NRXN3: variants seen among roughly 807,000 people sequenced by gnomAD.
NRXN3 encodes neurexin 3.
NRXN3 carries 32 observed loss-of-function variants against 137.6 expected under a neutral mutation model. That is an observed-to-expected ratio of 0.23 (90% CI 0.18 to 0.31). The LOEUF (loss-of-function observed/expected upper bound fraction) is 0.31, where lower values mean the gene tolerates loss of function less well. Among genes scored for constraint, NRXN3 ranks in the 10% least tolerant of loss-of-function variants. The pLI is 1.00. For synonymous variants in NRXN3, 798 were observed against 784.5 expected (o/e 1.02, Z -0.29); for missense variants, 1,574 against 2,062.5 (o/e 0.76, Z 4.59).
chr14:79,033,574 A>G (rs2152500015), intron 15 of NRXN3, among the ~76,000 whole-genome samples: 1 of 152,200 alleles, frequency 6.6e-6, no homozygotes, highest in African/African-American at 2.4e-5. Context: ...TCTCTCCTAA[A>G]GAGTTATATT....
At chr14:79,609,958 G>C (rs2098078658) in intron 16 of NRXN3, among the ~76,000 whole-genome samples, 1 of 152,060 alleles carries the variant, frequency 6.6e-6, no homozygotes, top group South Asian at 2.1e-4. Flanking sequence ...GGGGGTAGGA[G>C]GTTGGGGGAG....
chr14:79,488,165 T>A (rs1218750249), intron 16 of NRXN3, among the ~76,000 whole-genome samples: 1 of 152,154 alleles, frequency 6.6e-6, no homozygotes, highest in Non-Finnish European at 1.5e-5. Flanking sequence ...AAAGAGGTCA[T>A]CTCAAAAATG....
intron 4 of NRXN3, among the ~76,000 whole-genome samples, chr14:78,477,652 C>T (rs189845271): frequency 6.6e-6 from 1 of 152,142 alleles, no homozygotes; most frequent in Non-Finnish European, 1.5e-5. Context: ...GAACAAATGT[C>T]TTTTCAATTA....
chr14:79,829,527 G>A (rs1368282755), intron 20 of NRXN3, among the ~76,000 whole-genome samples: 1 of 152,202 alleles, frequency 6.6e-6, no homozygotes, highest in East Asian at 1.9e-4. Flanking sequence ...ATTTTATGGA[G>A]TCAGGAGCCA....
chr14:79,550,425 G>T (rs1344665547), intron 16 of NRXN3, among the ~76,000 whole-genome samples: 1 of 152,160 alleles, frequency 6.6e-6, no homozygotes, highest in Non-Finnish European at 1.5e-5. Context: ...ACATATCACA[G>T]CACCTTCTTG....
chr14:78,441,558 A>G (rs1407834295), intron 4 of NRXN3, among the ~76,000 whole-genome samples: 3 of 151,382 alleles, frequency 2.0e-5, no homozygotes, highest in Admixed American at 1.3e-4. Flanking sequence ...ATCCCACAGT[A>G]CAGTATCACA....
chr14:78,218,626 A>C (rs193116787), intron 1 of NRXN3, among the ~76,000 whole-genome samples: 1 of 152,376 alleles, frequency 6.6e-6, no homozygotes, highest in Admixed American at 6.5e-5. Flanking sequence ...GTTGCTAAGA[A>C]GAATGAAATT....
chr14:78,980,520 C>A (rs1230451950), intron 14 of NRXN3, among the ~76,000 whole-genome samples: 1 of 152,136 alleles, frequency 6.6e-6, no homozygotes, highest in Non-Finnish European at 1.5e-5. Context: ...AATACTCTAT[C>A]AACTTTGGTT....
At chr14:78,733,493 A>G (rs60098362) in intron 8 of NRXN3, among the ~76,000 whole-genome samples, 2,425 of 152,306 alleles carry the variant, frequency 0.016, 76 homozygotes, top group African/African-American at 0.056. Context: ...AAAGTGTACT[A>G]ATGTCAAGGA....
chr14:79,539,923 G>C (rs2097255906), intron 16 of NRXN3, among the ~76,000 whole-genome samples: 1 of 152,020 alleles, frequency 6.6e-6, no homozygotes, highest in Admixed American at 6.6e-5. Context: ...TCGTCGTCTT[G>C]CTATTTTTTC....
At chr14:79,274,911 T>C (rs1321115960) in intron 15 of NRXN3, among the ~76,000 whole-genome samples, 1 of 152,198 alleles carries the variant, frequency 6.6e-6, no homozygotes, top group Non-Finnish European at 1.5e-5. Context: ...GTATATACAT[T>C]CTCTAAACTA....
chr14:78,676,597 A>G (rs537210521), intron 6 of NRXN3, among the ~76,000 whole-genome samples: 2 of 152,320 alleles, frequency 1.3e-5, no homozygotes, highest in African/African-American at 4.8e-5. Context: ...AAGTGCTGAT[A>G]TAGAACCTGC....
At chr14:78,286,553 G>A (rs550629119) in intron 3 of NRXN3, among the ~76,000 whole-genome samples, 1 of 152,272 alleles carries the variant, frequency 6.6e-6, no homozygotes, top group African/African-American at 2.4e-5. Flanking sequence ...GGGGTGAGGA[G>A]GTGGAATGCA....
At chr14:79,370,909 T>C (rs1393484326) in intron 15 of NRXN3, among the ~76,000 whole-genome samples, 2 of 152,182 alleles carry the variant, frequency 1.3e-5, no homozygotes, top group African/African-American at 2.4e-5. Flanking sequence ...TCTTAAACCT[T>C]GTAACAATTT....
intron 4 of NRXN3, among the ~76,000 whole-genome samples, chr14:78,459,811 CA>C (rs2094866953): frequency 6.6e-6 from 1 of 152,140 alleles, no homozygotes. Flanking sequence ...TTCTTCCCAC[CA>C]AGCAATTCTC....
In NRXN3 at chr14:79,045,278, C is replaced by T. The variant is rs149639589; in HGVS notation, c.3262+57137C>T. Among the ~76,000 whole-genome samples, 130 of 152,238 alleles carry T rather than the reference C, an allele frequency of 8.5e-4. 1 individual carries two copies. In the South Asian group the frequency reaches 0.019, roughly 22 times the overall value. ...GCTCCCCATTCAGCTCCTCAACAAT[C>T]GGCAATCACTCTGCCCTTCTGCTCC... On this transcript the variant is annotated intron_variant, in intron 15 of 20. Transcript: ENST00000335750.
chr14:78,403,801 C>T (rs1042426861), intron 4 of NRXN3: 40 of 985,236 alleles, frequency 4.1e-5, no homozygotes, highest in Non-Finnish European at 4.5e-5. Context: ...GTTGTTTCTG[C>T]CCCCTGAGGT....
chr14:79,699,625 G>A (rs971974976), intron 19 of NRXN3, among the ~76,000 whole-genome samples: 4 of 151,976 alleles, frequency 2.6e-5, no homozygotes, highest in African/African-American at 9.7e-5. Context: ...CGCAAATTAA[G>A]AAAGTCAGAA....
intron 15 of NRXN3, among the ~76,000 whole-genome samples, chr14:79,302,000 G>C: frequency 6.6e-6 from 1 of 151,952 alleles, no homozygotes; most frequent in Non-Finnish European, 1.5e-5. Context: ...AGTATTTGCT[G>C]AAGGGAGGGA....
Sources: gnomAD v4.1 joint callset for allele counts (sites outside exome capture counted in the v4.1 genomes callset) on GRCh38, gnomAD v4.1.1 for gene constraint, MANE v1.5 for transcripts, NCBI Gene and HGNC (gene_info 2026-07-23, HGNC 2026-07-21) for gene names.